Variants in PRH1 observed in about 807,000 individuals in gnomAD.
PRH1 encodes the protein proline rich protein HaeIII subfamily 1.
PRH1 carries 7 observed loss-of-function variants against 7.9 expected under a neutral mutation model. That is an observed-to-expected ratio of 0.89 (90% CI 0.50 to 1.67). The LOEUF is 1.67. Ranked by LOEUF, PRH1 falls within the 40% of genes most tolerant of loss-of-function variation. The pLI is 0.00. For synonymous variants in PRH1, 45 were observed against 80.8 expected (o/e 0.56, Z 2.38); for missense variants, 109 against 223.6 (o/e 0.49, Z 3.27).
At chr12:11,152,386 T>G (rs1565708980) in intron 1 of PRH1, among the ~76,000 whole-genome samples, 1 of 152,094 alleles carries the variant, frequency 6.6e-6, no homozygotes, top group Non-Finnish European at 1.5e-5. Context: ...CAAGAGTATT[T>G]CTTCACAAGA....
At chr12:11,145,123 C>T (rs6488347) in intron 1 of PRH1, among the ~76,000 whole-genome samples, 68,859 of 151,680 alleles carry the variant, frequency 0.45, 16,363 homozygotes, top group Non-Finnish European at 0.52. Context: ...CACAATCCCC[C>T]GAAACTCTGT....
rs139620901 is a variant in PRH1, at chr12:10,997,392, C to T, written c.-125-23671G>A. 1.2e-4 allele frequency: 201 copies of T among 1,614,092 alleles called. 1 individual carries two copies. The East Asian group carries it at 2.4e-3, about 19-fold the overall frequency. ...TTCCTCAGTTTGATCTTCCAAGTTA[C>T]GTTTCCTTCACATTCTTCTGTCCAC... On this transcript the variant is annotated intron_variant, in intron 1 of 3. Transcript: ENST00000539853.
intron 1 of PRH1, among the ~76,000 whole-genome samples, chr12:11,010,650 GA>G (rs1344443050): frequency 1.3e-5 from 2 of 151,832 alleles, no homozygotes; most frequent in African/African-American, 2.4e-5. Context: ...AGTAGTGTAT[GA>G]AAATTTCTAT....
chr12:11,112,777 C>T (rs1241790027), intron 1 of PRH1, among the ~76,000 whole-genome samples: 1 of 152,088 alleles, frequency 6.6e-6, no homozygotes, highest in Non-Finnish European at 1.5e-5. Flanking sequence ...TCCTGTTCAA[C>T]ATAGTATTGG....
upstream of PRH1, among the ~76,000 whole-genome samples, chr12:11,049,649 C>T (rs3911150): frequency 0.12 from 18,077 of 152,096 alleles, 1,187 homozygotes; most frequent in Non-Finnish European, 0.14. Flanking sequence ...TAATTTGTGT[C>T]CAGCATCGTC....
At chr12:11,147,650 AT>A (rs1371425741) in intron 1 of PRH1, among the ~76,000 whole-genome samples, 14 of 152,302 alleles carry the variant, frequency 9.2e-5, no homozygotes, top group Admixed American at 2.6e-4. Flanking sequence ...TCATCACATC[AT>A]TATACTGTAA....
chr12:11,030,475 C>T (rs1290099000), intron 1 of PRH1: 12 of 1,614,276 alleles, frequency 7.4e-6, no homozygotes, highest in Non-Finnish European at 1.0e-5. Context: ...GAAAAGTCTG[C>T]TTTAGCTTCT....
chr12:11,010,024 T>C (rs762811146), intron 1 of PRH1, among the ~76,000 whole-genome samples: 6 of 151,946 alleles, frequency 3.9e-5, no homozygotes, highest in Admixed American at 1.3e-4. Flanking sequence ...AACAGTTTAA[T>C]TGCCTTTCTA....
chr12:10,883,367 T>G (rs1405865033), intron 1 of PRH1, among the ~76,000 whole-genome samples: 7 of 152,180 alleles, frequency 4.6e-5, no homozygotes, highest in Non-Finnish European at 1.0e-4. Flanking sequence ...GAAGATACAA[T>G]AGGTCTTCTG....
At chr12:11,134,845 A>G (rs567016949) in intron 1 of PRH1, among the ~76,000 whole-genome samples, 52 of 152,288 alleles carry the variant, frequency 3.4e-4, no homozygotes, top group Non-Finnish European at 6.0e-4. Flanking sequence ...CCAATACTCC[A>G]TAAGATCTGG....
chr12:11,162,066 T>C (rs1227087930), intron 1 of PRH1, among the ~76,000 whole-genome samples: 1 of 152,244 alleles, frequency 6.6e-6, no homozygotes, highest in Non-Finnish European at 1.5e-5. Flanking sequence ...TTGAAAAGAC[T>C]TGAAATACGT....
chr12:10,960,566 G>A (rs1038678182), intron 2 of PRH1, among the ~76,000 whole-genome samples: 1 of 152,162 alleles, frequency 6.6e-6, no homozygotes, highest in African/African-American at 2.4e-5. Context: ...GTTTGTTGGG[G>A]TAAGAACAAA....
At chr12:11,030,406 C>G (rs778214665) in intron 1 of PRH1, 1 of 1,613,030 alleles carries the variant, frequency 6.2e-7, no homozygotes, top group South Asian at 1.1e-5. Flanking sequence ...TCTCATGAAT[C>G]TATGGAGATG....
chr12:11,053,817 A>AAT (rs1220116211), intron 1 of PRH1, among the ~76,000 whole-genome samples: 2 of 147,416 alleles, frequency 1.4e-5, no homozygotes. Flanking sequence ...ATGGCTTTAC[A>AAT]TTTTGTGTGT....
chr12:11,032,612 C>A (rs1261916644), intron 1 of PRH1, among the ~76,000 whole-genome samples: 3 of 152,132 alleles, frequency 2.0e-5, no homozygotes, highest in Non-Finnish European at 4.4e-5. Flanking sequence ...CCTATTTTCC[C>A]ACTCAGGGTT....
intron 1 of PRH1, among the ~76,000 whole-genome samples, chr12:10,977,638 T>TA (rs1346637756): frequency 6.6e-6 from 1 of 152,190 alleles, no homozygotes; most frequent in East Asian, 1.9e-4. Context: ...GCAGACAATG[T>TA]AATCCTATAC....
chr12:10,906,030 G>T (rs988233461), intron 2 of PRH1, among the ~76,000 whole-genome samples: 4 of 152,256 alleles, frequency 2.6e-5, no homozygotes, highest in Admixed American at 2.0e-4. Context: ...AGAGTTCAGA[G>T]AAATTAATGA....
chr12:11,036,890 G>A (rs1942451653), intron 1 of PRH1, among the ~76,000 whole-genome samples: 1 of 152,200 alleles, frequency 6.6e-6, no homozygotes, highest in African/African-American at 2.4e-5. Flanking sequence ...TGATCAGTGT[G>A]ATTTCAGGCT....
intron 1 of PRH1, chr12:11,021,863 A>C: frequency 1.2e-6 from 2 of 1,614,270 alleles, no homozygotes; most frequent in Non-Finnish European, 1.7e-6. Flanking sequence ...ATGGCAAATA[A>C]CATGAGGAAG....
Sources: gnomAD v4.1 joint callset for allele counts (sites outside exome capture counted in the v4.1 genomes callset) on GRCh38, gnomAD v4.1.1 for gene constraint, MANE v1.5 for transcripts, NCBI Gene and HGNC (gene_info 2026-07-23, HGNC 2026-07-21) for gene names.